The following ZNF469 variants were observed in gnomAD, a reference collection of about 807,000 sequenced individuals.
The protein encoded by ZNF469 is zinc finger protein 469.
ZNF469 carries 1 observed loss-of-function variant against 1.0 expected under a neutral mutation model. The ratio of observed to expected loss-of-function variants is 1.00; its 90% confidence interval spans 0.35 to 4.73. The LOEUF is 4.73. Ranked by LOEUF, ZNF469 falls within the 30% of genes most tolerant of loss-of-function variation. The pLI is 0.16. For synonymous variants in ZNF469, 2,703 were observed against 2,363.4 expected, an observed-to-expected ratio of 1.14 and a Z score of -4.17; for missense variants, 6,100 against 5,356.3, an observed-to-expected ratio of 1.14 and a Z score of -4.33.
the ZNF469 span, among the ~76,000 whole-genome samples, chr16:88,304,275 A>C: frequency 6.6e-6 from 1 of 152,158 alleles, no homozygotes; most frequent in Non-Finnish European, 1.5e-5. Flanking sequence ...CCGCCCCCAC[A>C]CCAGTGACAC....
At position 88,387,551 on chromosome 16, in the gene ZNF469, G is replaced by A. The variant is rs546293675; in HGVS notation, c.-192+4297G>A. Among the ~76,000 whole-genome samples the A allele has an allele frequency of 1.6e-4, 24 of 152,338 alleles. No individual in the cohort carries two copies. The South Asian group carries it at 4.3e-3, about 28-fold the overall frequency. On this transcript the variant is annotated intron_variant, in intron 1 of 2. Transcript: ENST00000565624. The stretch of plus-strand genomic sequence containing the variant: ...GGGGGCGGCTTGGGGGCTGTGACCC[G>A]GCGTCAAACGGTAGACTTCCTGCTC...
chr16:88,439,426 T>C lies in ZNF469; in HGVS notation c.*94T>C. ...CGGCTCCCTGAGATGGTCCACTCTG[T>C]GGCCACTTGACTTCTTGTGCAACTG... is the stretch of plus-strand genomic sequence containing the variant. On this transcript the variant is annotated 3_prime_UTR_variant, in exon 3 of 3. Coordinates refer to ENST00000565624, the MANE Select transcript of ZNF469 (RefSeq NM_001367624.2). 2 of 1,385,578 alleles carry C rather than the reference T, an allele frequency of 1.4e-6. No individual in the cohort carries two copies. Among genetic ancestry groups the C allele is most frequent in the Non-Finnish European group, 2.0e-6 (2 of 1,001,020 alleles). The allele number at this position is 1,385,578 out of a possible 1,614,324, so 85.8% of individuals were successfully genotyped here. A position where few individuals can be genotyped will look rare whatever the true frequency, so the allele number is the denominator to read the frequency against.
the ZNF469 span, among the ~76,000 whole-genome samples, chr16:88,247,031 GTGAA>G: frequency 1.2e-4 from 16 of 132,732 alleles, no homozygotes; most frequent in South Asian, 1.3e-3. Flanking sequence ...GAGTGAATGA[GTGAA>G]TGAGTGAATG....
At chr16:88,426,928 C>G (rs561248926) in intron 2 of ZNF469, among the ~76,000 whole-genome samples, 2 of 152,132 alleles carry the variant, frequency 1.3e-5, no homozygotes, top group Admixed American at 6.5e-5. Context: ...CCCTCCTGGA[C>G]GCTGCCAGGA....
At chr16:88,156,928 G>A in the ZNF469 span, among the ~76,000 whole-genome samples, 2 of 152,152 alleles carry the variant, frequency 1.3e-5, no homozygotes, top group Admixed American at 6.5e-5. Flanking sequence ...AGAGATGGAC[G>A]ATGATCTCAG....
the ZNF469 span, among the ~76,000 whole-genome samples, chr16:88,191,331 C>T: frequency 0.31 from 46,562 of 152,128 alleles, 7,291 homozygotes; most frequent in East Asian, 0.44. Flanking sequence ...TCTCGGAATG[C>T]GTACAGAGCA....
At chr16:88,393,117 C>T (rs552324153) in intron 1 of ZNF469, among the ~76,000 whole-genome samples, 134 of 152,290 alleles carry the variant, frequency 8.8e-4, no homozygotes, top group Non-Finnish European at 1.7e-3. Flanking sequence ...TCGTGGGCAC[C>T]ACGCGGCTGG....
At chr16:88,379,959 T>A (rs549080346), upstream of ZNF469, among the ~76,000 whole-genome samples, 198 of 152,226 alleles carry the variant, frequency 1.3e-3, 2 homozygotes, top group Middle Eastern at 0.024. Context: ...GGACTCTGAG[T>A]GAGGGCTTCT....
At chr16:88,319,352 G>A in the ZNF469 span, among the ~76,000 whole-genome samples, 1 of 152,136 alleles carries the variant, frequency 6.6e-6, no homozygotes, top group African/African-American at 2.4e-5. Flanking sequence ...CTCCTCGTCT[G>A]CAGGGCCAGG....
chr16:88,408,789 GC>G (rs1347325572), intron 1 of ZNF469, among the ~76,000 whole-genome samples: 3 of 152,242 alleles, frequency 2.0e-5, no homozygotes, highest in African/African-American at 4.8e-5. Context: ...GGCCGCCTGT[GC>G]CCGGCACCCA....
At chr16:88,272,603 T>A in the ZNF469 span, among the ~76,000 whole-genome samples, 8 of 151,778 alleles carry the variant, frequency 5.3e-5, no homozygotes, top group South Asian at 1.7e-3. Context: ...GGTGTATGGA[T>A]GGACGAGTGG....
At chr16:88,415,750 G>T (rs994066079) in intron 1 of ZNF469, among the ~76,000 whole-genome samples, 4 of 152,218 alleles carry the variant, frequency 2.6e-5, no homozygotes, top group Non-Finnish European at 5.9e-5. Context: ...ACTGACACTG[G>T]AGGCCCATTT....
chr16:88,329,990 G>T, the ZNF469 span, among the ~76,000 whole-genome samples: 685 of 152,340 alleles, frequency 4.5e-3, 7 homozygotes, highest in African/African-American at 0.015. Flanking sequence ...CTGGGTACAG[G>T]CAGAGTGGAA....
At chr16:88,254,068 G>A in the ZNF469 span, among the ~76,000 whole-genome samples, 9 of 151,814 alleles carry the variant, frequency 5.9e-5, no homozygotes, top group African/African-American at 1.9e-4. Flanking sequence ...TTTGGCTTCT[G>A]TCTGATAAAT....
chr16:88,278,650 T>C, the ZNF469 span, among the ~76,000 whole-genome samples: 1 of 105,592 alleles, frequency 9.5e-6, no homozygotes, highest in Non-Finnish European at 2.1e-5. Flanking sequence ...TAGTGCTGCC[T>C]CACGCCGATG....
chr16:88,360,445 C>T, the ZNF469 span, among the ~76,000 whole-genome samples: 4 of 152,192 alleles, frequency 2.6e-5, no homozygotes, highest in South Asian at 2.1e-4. Context: ...CTCCAGTCAG[C>T]GCCCGCATGC....
the ZNF469 span, among the ~76,000 whole-genome samples, chr16:88,350,109 C>G: frequency 5.8e-4 from 88 of 152,298 alleles, no homozygotes; most frequent in African/African-American, 1.9e-3. Context: ...CTCCCGCCCC[C>G]CTTGGGGCGG....
chr16:88,293,032 A>T, the ZNF469 span, among the ~76,000 whole-genome samples: 1 of 152,250 alleles, frequency 6.6e-6, no homozygotes, highest in Admixed American at 6.5e-5. Flanking sequence ...CAGCAGCCAG[A>T]AACATAAATT....
At chr16:88,111,700 C>A in the ZNF469 span, among the ~76,000 whole-genome samples, 2 of 152,078 alleles carry the variant, frequency 1.3e-5, no homozygotes, top group Admixed American at 6.5e-5. Context: ...GCAGTGGTGC[C>A]ATCTCAGCTC....
Sources: gnomAD v4.1 joint callset for allele counts (sites outside exome capture counted in the v4.1 genomes callset) on GRCh38, gnomAD v4.1.1 for gene constraint, MANE v1.5 for transcripts, NCBI Gene and HGNC (gene_info 2026-07-23, HGNC 2026-07-21) for gene names.